Variants in POFUT3 observed in about 807,000 individuals in gnomAD.
POFUT3 encodes protein O-fucosyltransferase 3.
the POFUT3 span, among the ~76,000 whole-genome samples, chr8:33,359,931 G>A: frequency 1.3e-4 from 19 of 151,910 alleles, 1 homozygote; most frequent in African/African-American, 4.1e-4. Flanking sequence ...GCTTACACCC[G>A]GGAGGCGGAG....
At chr8:33,436,399 T>C in the POFUT3 span, 1 of 1,419,402 alleles carries the variant, frequency 7.0e-7, no homozygotes, top group Non-Finnish European at 9.9e-7. Context: ...GTCTGGACCA[T>C]ACTCCTCAAA....
the POFUT3 span, among the ~76,000 whole-genome samples, chr8:33,359,486 G>C: frequency 1.3e-5 from 2 of 152,072 alleles, no homozygotes; most frequent in African/African-American, 4.8e-5. Flanking sequence ...GAGCCTCAGT[G>C]CCTTAAATCA....
At chr8:33,389,190 G>A in the POFUT3 span, 45 of 1,614,120 alleles carry the variant, frequency 2.8e-5, 1 homozygote, top group Middle Eastern at 4.5e-3. Context: ...TCCCTGGGGT[G>A]AGAAAATTCT....
At chr8:33,450,652 T>A in the POFUT3 span, among the ~76,000 whole-genome samples, 1 of 152,184 alleles carries the variant, frequency 6.6e-6, no homozygotes, top group Non-Finnish European at 1.5e-5. Flanking sequence ...GAGCCTTGAA[T>A]GCCAAGGTAA....
At chr8:33,361,547 T>C in the POFUT3 span, 1 of 152,214 alleles carries the variant, frequency 6.6e-6, no homozygotes, top group Non-Finnish European at 1.5e-5. Flanking sequence ...AAAGCTTCCT[T>C]GAAGTGGTTT....
At chr8:33,350,367 C>T in the POFUT3 span, among the ~76,000 whole-genome samples, 1 of 152,064 alleles carries the variant, frequency 6.6e-6, no homozygotes, top group African/African-American at 2.4e-5. Flanking sequence ...TTTCCCAGGC[C>T]CTGTCTTCTC....
At chr8:33,437,909 C>G in the POFUT3 span, among the ~76,000 whole-genome samples, 1 of 152,262 alleles carries the variant, frequency 6.6e-6, no homozygotes, top group East Asian at 1.9e-4. Context: ...CAGTTGCACA[C>G]TTAAATTTTT....
At chr8:33,456,886 A>G in the POFUT3 span, among the ~76,000 whole-genome samples, 5 of 150,386 alleles carry the variant, frequency 3.3e-5, no homozygotes, top group African/African-American at 1.2e-4. Context: ...CTCCTGCCTC[A>G]GCCTCCCAAG....
the POFUT3 span, among the ~76,000 whole-genome samples, chr8:33,324,007 G>A: frequency 1.5e-4 from 23 of 152,156 alleles, no homozygotes; most frequent in African/African-American, 5.1e-4. Flanking sequence ...AGGAATCAGG[G>A]CTGGGTGGTG....
chr8:33,346,251 A>C, the POFUT3 span, among the ~76,000 whole-genome samples: 1 of 151,812 alleles, frequency 6.6e-6, no homozygotes, highest in Admixed American at 6.6e-5. Context: ...ACTGCTTTGC[A>C]TAAACTTCTA....
chr8:33,403,307 G>A, the POFUT3 span, among the ~76,000 whole-genome samples: 1 of 151,726 alleles, frequency 6.6e-6, no homozygotes, highest in Non-Finnish European at 1.5e-5. Flanking sequence ...ACAGTGTGTG[G>A]ACTGTGTGTG....
chr8:33,312,525 A>G, the POFUT3 span, among the ~76,000 whole-genome samples: 1 of 152,144 alleles, frequency 6.6e-6, no homozygotes, highest in East Asian at 1.9e-4. Context: ...ATGATGAGTT[A>G]GTTTTACTAA....
At chr8:33,367,318 G>A in the POFUT3 span, among the ~76,000 whole-genome samples, 4 of 152,182 alleles carry the variant, frequency 2.6e-5, no homozygotes, top group African/African-American at 9.6e-5. Context: ...TAGCATGAGC[G>A]ATCTGTGCCT....
At chr8:33,351,996 A>C in the POFUT3 span, among the ~76,000 whole-genome samples, 1 of 152,228 alleles carries the variant, frequency 6.6e-6, no homozygotes, top group Non-Finnish European at 1.5e-5. Context: ...GCTCAAGGTC[A>C]TAAAGATTTA....
the POFUT3 span, among the ~76,000 whole-genome samples, chr8:33,412,817 G>A: frequency 9.2e-5 from 14 of 152,094 alleles, no homozygotes; most frequent in Non-Finnish European, 1.3e-4. Context: ...TAGTAGAAAC[G>A]AGGTTTTGCC....
At chr8:33,440,997 A>C in the POFUT3 span, among the ~76,000 whole-genome samples, 1 of 152,288 alleles carries the variant, frequency 6.6e-6, no homozygotes, top group South Asian at 2.1e-4. Context: ...AAGGTATATC[A>C]AACTATGACT....
the POFUT3 span, among the ~76,000 whole-genome samples, chr8:33,468,060 T>C: frequency 6.6e-6 from 1 of 151,924 alleles, no homozygotes; most frequent in South Asian, 2.1e-4. Context: ...GACAACACAG[T>C]GAAACCTCAT....
chr8:33,336,106 C>T, the POFUT3 span, among the ~76,000 whole-genome samples: 1 of 152,204 alleles, frequency 6.6e-6, no homozygotes, highest in Admixed American at 6.5e-5. Context: ...TAGTTACAGA[C>T]ACGACACAAT....
chr8:33,318,650 T>C, the POFUT3 span, among the ~76,000 whole-genome samples: 3 of 90,256 alleles, frequency 3.3e-5, no homozygotes, highest in Non-Finnish European at 5.9e-5. Flanking sequence ...ATATTGTATA[T>C]ATATTTATAT....
Sources: gnomAD v4.1 joint callset for allele counts (sites outside exome capture counted in the v4.1 genomes callset) on GRCh38, gnomAD v4.1.1 for gene constraint, MANE v1.5 for transcripts, NCBI Gene and HGNC (gene_info 2026-07-23, HGNC 2026-07-21) for gene names.